RASA2: variants seen among roughly 807,000 people sequenced by gnomAD.
RASA2 encodes ras GTPase-activating protein 2.
A neutral mutation model predicts 118.2 loss-of-function variants in RASA2; 155 were observed. That is an observed-to-expected ratio of 1.31 (90% CI 1.15 to 1.50). The LOEUF (loss-of-function observed/expected upper bound fraction) is 1.50, where lower values mean the gene tolerates loss of function less well. Ranked by LOEUF, RASA2 falls within the 40% of genes most tolerant of loss-of-function variation. The pLI, the probability that RASA2 is intolerant of heterozygous loss-of-function variation, is 0.00. For synonymous variants in RASA2, 353 were observed against 349.1 expected (o/e 1.01, Z -0.12); for missense variants, 1,016 against 1,009.6 (o/e 1.01, Z -0.09).
At chr3:141,594,185 A>C (rs1335356345) in intron 19 of RASA2, among the ~76,000 whole-genome samples, 3 of 152,186 alleles carry the variant, frequency 2.0e-5, no homozygotes, top group Non-Finnish European at 2.9e-5. Context: ...GCTTAACAAC[A>C]GATTGGTTCA....
Position 141,577,040 on chromosome 3 carries a change from A to G in RASA2, c.1524A>G (p.Val508=), listed in dbSNP as rs149028712. 6 of 1,611,626 alleles carry G rather than the reference A, an allele frequency of 3.7e-6. No homozygotes were observed. Among genetic ancestry groups the G allele is most frequent in the South Asian group, 2.2e-5 (2 of 90,864 alleles). The part of the protein sequence containing the change: ...HVQYSAVSSF[V]FLRFFAVAVV... ...AGTATTCTGCAGTGAGCAGCTTTGT[A>G]TTTCTTCGTTTCTTTGCTGTAGCCG... The change falls in exon 15 of 24, where the codon GTA becomes GTG. Residue 508 remains valine (V), a synonymous_variant. Coordinates refer to ENST00000286364, the MANE Select transcript of RASA2 (RefSeq NM_006506.5).
At chr3:141,610,871 T>G (rs2083640751) in intron 23 of RASA2, among the ~76,000 whole-genome samples, 1 of 152,150 alleles carries the variant, frequency 6.6e-6, no homozygotes, top group Non-Finnish European at 1.5e-5. Context: ...TTGTTTTTAC[T>G]GATCCTCCTT....
intron 17 of RASA2, among the ~76,000 whole-genome samples, chr3:141,585,577 T>C (rs565359716): frequency 6.6e-6 from 1 of 152,212 alleles, no homozygotes; most frequent in Admixed American, 6.5e-5. Context: ...GTCAGGCAGA[T>C]CACTTGAGGC....
chr3:141,551,451 A>G (rs1361160107), intron 5 of RASA2, among the ~76,000 whole-genome samples: 1 of 152,108 alleles, frequency 6.6e-6, no homozygotes, highest in East Asian at 1.9e-4. Flanking sequence ...TCATATATAC[A>G]CGTATCAATA....
chr3:141,588,409 C>CA (rs1268360681), intron 19 of RASA2, among the ~76,000 whole-genome samples: 1 of 152,200 alleles, frequency 6.6e-6, no homozygotes, highest in African/African-American at 2.4e-5. Flanking sequence ...GCAGGCTTAA[C>CA]AGAGTACCTG....
chr3:141,593,911 A>G (rs989719042), intron 19 of RASA2, among the ~76,000 whole-genome samples: 5 of 152,228 alleles, frequency 3.3e-5, no homozygotes, highest in Non-Finnish European at 5.9e-5. Context: ...TGGAACATTA[A>G]CAACTCAAGA....
chr3:141,604,713 A>G (rs2083519632), intron 19 of RASA2, among the ~76,000 whole-genome samples: 1 of 142,624 alleles, frequency 7.0e-6, no homozygotes, highest in Non-Finnish European at 1.5e-5. Flanking sequence ...TTTATGGCTG[A>G]TAAGTTTTCT....
intron 9 of RASA2, among the ~76,000 whole-genome samples, chr3:141,568,158 TAAAGA>T (rs2082852052): frequency 6.6e-6 from 1 of 152,136 alleles, no homozygotes; most frequent in Admixed American, 6.6e-5. Context: ...ATACCTCTCT[TAAAGA>T]ACTCGAGTCC....
At chr3:141,561,405 A>G (rs2082728675) in intron 9 of RASA2, among the ~76,000 whole-genome samples, 1 of 152,244 alleles carries the variant, frequency 6.6e-6, no homozygotes, top group South Asian at 2.1e-4. Context: ...GTATGTAAGA[A>G]CATTAACAAA....
At chr3:141,583,061 A>C (rs1282935227) in intron 17 of RASA2, among the ~76,000 whole-genome samples, 2 of 152,230 alleles carry the variant, frequency 1.3e-5, no homozygotes, top group Non-Finnish European at 2.9e-5. Flanking sequence ...CCTATAGTCC[A>C]TCTTAATTAC....
chr3:141,561,612 A>G (rs920680176), intron 9 of RASA2, among the ~76,000 whole-genome samples: 2 of 152,212 alleles, frequency 1.3e-5, no homozygotes, highest in Non-Finnish European at 2.9e-5. Context: ...TCCTCCATCA[A>G]TTGTAGAGCC....
intron 1 of RASA2, among the ~76,000 whole-genome samples, chr3:141,490,789 C>T (rs1299587960): frequency 6.6e-6 from 1 of 152,148 alleles, no homozygotes; most frequent in East Asian, 1.9e-4. Context: ...CACCTAATTT[C>T]CAACTTTTGT....
At chr3:141,600,550 G>A in intron 19 of RASA2, 1 of 275,270 alleles carries the variant, frequency 3.6e-6, no homozygotes, top group Non-Finnish European at 7.2e-6. Flanking sequence ...GGCCAGCTTG[G>A]CCTTCAGGAT....
intron 5 of RASA2, among the ~76,000 whole-genome samples, chr3:141,549,377 C>T (rs2082536161): frequency 6.6e-6 from 1 of 152,070 alleles, no homozygotes; most frequent in Non-Finnish European, 1.5e-5. Context: ...TCATCTCTGC[C>T]CACCCATACC....
intron 19 of RASA2, among the ~76,000 whole-genome samples, chr3:141,606,746 A>G (rs1399536149): frequency 6.6e-6 from 1 of 152,116 alleles, no homozygotes; most frequent in African/African-American, 2.4e-5. Context: ...ACATACCTTT[A>G]TTAACCAAAT....
intron 1 of RASA2, among the ~76,000 whole-genome samples, chr3:141,489,429 G>A (rs531590034): frequency 6.6e-6 from 1 of 152,300 alleles, no homozygotes; most frequent in Admixed American, 6.5e-5. Flanking sequence ...AGGTGTCAAG[G>A]TCACAGAAAT....
chr3:141,516,847 C>T (rs530215557), intron 3 of RASA2, among the ~76,000 whole-genome samples: 20 of 151,440 alleles, frequency 1.3e-4, no homozygotes, highest in Non-Finnish European at 2.5e-4. Context: ...GATCTTGGCT[C>T]ACTGCAACCT....
At chr3:141,551,591 G>C (rs1165386292) in intron 5 of RASA2, among the ~76,000 whole-genome samples, 1 of 152,082 alleles carries the variant, frequency 6.6e-6, no homozygotes, top group Non-Finnish European at 1.5e-5. Flanking sequence ...TGACAGCTTT[G>C]CCTCTTCTTC....
intron 3 of RASA2, among the ~76,000 whole-genome samples, chr3:141,516,852 C>T (rs2151084694): frequency 6.6e-6 from 1 of 151,896 alleles, no homozygotes; most frequent in Middle Eastern, 3.4e-3. Flanking sequence ...TGGCTCACTG[C>T]AACCTCTACT....
Sources: gnomAD v4.1 joint callset for allele counts (sites outside exome capture counted in the v4.1 genomes callset) on GRCh38, gnomAD v4.1.1 for gene constraint, MANE v1.5 for transcripts, NCBI Gene and HGNC (gene_info 2026-07-23, HGNC 2026-07-21) for gene names.